The following TMC1 variants were observed in gnomAD, a reference collection of about 807,000 sequenced individuals.
TMC1 encodes transmembrane channel-like protein 1.
TMC1 carries 84 observed loss-of-function variants against 105.8 expected under a neutral mutation model. The ratio of observed to expected loss-of-function variants is 0.79; its 90% CI spans 0.67 to 0.95. TMC1 has a LOEUF of 0.95. TMC1 is among the 40% of genes least tolerant of loss of function. The probability of loss-of-function intolerance (pLI) is 0.00; values close to 1 mark genes in which losing one functional copy is unlikely to be tolerated. For synonymous variants in TMC1, 315 were observed against 311.5 expected, an observed-to-expected ratio of 1.01 and a Z score of -0.12; for missense variants, 817 against 914.1, an observed-to-expected ratio of 0.89 and a Z score of 1.37.
intron 23 of TMC1, among the ~76,000 whole-genome samples, chr9:72,831,588 TC>T (rs55744310): frequency 2.8e-4 from 43 of 151,948 alleles, no homozygotes; most frequent in Non-Finnish European, 1.2e-4. Context: ...CCCTCCCTGC[TC>T]CCCCCACCGC....
chr9:72,611,570 G>A (rs1825024907), intron 2 of TMC1, among the ~76,000 whole-genome samples: 1 of 152,066 alleles, frequency 6.6e-6, no homozygotes, highest in Non-Finnish European at 1.5e-5. Context: ...CAGCTTGGGG[G>A]CATGAGCAGA....
chr9:72,815,748 T>C (rs1466883024), intron 18 of TMC1, among the ~76,000 whole-genome samples: 1 of 152,232 alleles, frequency 6.6e-6, no homozygotes. Flanking sequence ...TTAAAGTTTA[T>C]CATCACATCA....
chr9:72,614,489 A>G (rs950532491), intron 2 of TMC1, among the ~76,000 whole-genome samples: 1 of 152,186 alleles, frequency 6.6e-6, no homozygotes, highest in Non-Finnish European at 1.5e-5. Flanking sequence ...CAACTGCTTA[A>G]TGAGGGACAC....
At chr9:72,656,174 C>G in intron 5 of TMC1, 1 of 584,806 alleles carries the variant, frequency 1.7e-6, no homozygotes, top group Non-Finnish European at 3.3e-6. Flanking sequence ...GGTGTTTTTC[C>G]GGTATCCTTA....
At chr9:72,640,612 G>C (rs1825610017) in intron 4 of TMC1, among the ~76,000 whole-genome samples, 1 of 151,388 alleles carries the variant, frequency 6.6e-6, no homozygotes, top group African/African-American at 2.4e-5. Context: ...TTTTACTTGG[G>C]ATTTGTTTTT....
intron 5 of TMC1, among the ~76,000 whole-genome samples, chr9:72,681,394 T>C (rs925663521): frequency 7.2e-5 from 11 of 152,180 alleles, no homozygotes; most frequent in African/African-American, 2.4e-4. Context: ...ATGTATAGTT[T>C]TTTTTTTGAA....
At chr9:72,597,243 G>A (rs1824735397) in intron 2 of TMC1, among the ~76,000 whole-genome samples, 1 of 152,218 alleles carries the variant, frequency 6.6e-6, no homozygotes, top group African/African-American at 2.4e-5. Flanking sequence ...TTCACTCACA[G>A]AAAGAAAGAA....
At chr9:72,742,746 G>A (rs1827412095) in intron 10 of TMC1, among the ~76,000 whole-genome samples, 1 of 152,144 alleles carries the variant, frequency 6.6e-6, no homozygotes, top group Non-Finnish European at 1.5e-5. Context: ...CCACTCTCGT[G>A]TTCTACCTTA....
chr9:72,668,393 T>G (rs912786445), intron 5 of TMC1, among the ~76,000 whole-genome samples: 9 of 152,210 alleles, frequency 5.9e-5, no homozygotes, highest in African/African-American at 1.9e-4. Flanking sequence ...ACAGCCCCTC[T>G]TAGTGCTTTG....
intron 5 of TMC1, among the ~76,000 whole-genome samples, chr9:72,666,950 T>C (rs779885199): frequency 6.6e-6 from 1 of 151,488 alleles, no homozygotes; most frequent in African/African-American, 2.4e-5. Context: ...CATGGTGGCG[T>C]GTGCCTGTAG....
intron 1 of TMC1, among the ~76,000 whole-genome samples, chr9:72,570,229 T>TGTGTGTG (rs756068731): frequency 2.6e-4 from 23 of 87,670 alleles, no homozygotes; most frequent in African/African-American, 1.3e-3. Flanking sequence ...GCTCAAAGAG[T>TGTGTGTG]AGTGTGTGTG....
In TMC1 at chr9:72,805,486, G is replaced by C. The variant is rs1272127765; in HGVS notation, c.1671G>C (p.Trp557Cys). 4.3e-6 allele frequency: 7 copies of C among 1,613,076 alleles called. No homozygotes were observed. Among genetic ancestry groups the C allele is most frequent in the Non-Finnish European group, 5.1e-6 (6 of 1,179,768 alleles). ...ACFVRFCNYCWCWDLEYGYPS... is the reference protein window; with the variant it reads ...ACFVRFCNYCCCWDLEYGYPS... Reference sequence around the variant, plus strand: ...TTGTGAGGTTTTGCAATTATTGCTGGTGCTGGGACTTGGAGTATGGATATG... The same window carrying C: ...TTGTGAGGTTTTGCAATTATTGCTGCTGCTGGGACTTGGAGTATGGATATG... Residue 557 changes from tryptophan (W) to cysteine (C), a missense_variant, in exon 18 of 24, where the codon TGG (tryptophan) becomes TGC (cysteine). Transcript: ENST00000297784.
chr9:72,614,943 G>T (rs1475924143), intron 2 of TMC1, among the ~76,000 whole-genome samples: 2 of 152,144 alleles, frequency 1.3e-5, no homozygotes, highest in African/African-American at 4.8e-5. Flanking sequence ...GCTTCCCAAT[G>T]TGCTAGGATT....
At chr9:72,768,681 T>C (rs1217659362) in intron 12 of TMC1, among the ~76,000 whole-genome samples, 5 of 152,094 alleles carry the variant, frequency 3.3e-5, no homozygotes, top group East Asian at 1.9e-4. Context: ...CTAGTATTTA[T>C]GAAGTGCCAG....
At chr9:72,722,385 G>A (rs940184131) in intron 8 of TMC1, among the ~76,000 whole-genome samples, 6 of 151,998 alleles carry the variant, frequency 3.9e-5, no homozygotes, top group Non-Finnish European at 8.8e-5. Context: ...TCTGGTATCC[G>A]CTCCATTTTT....
chr9:72,719,527 A>G (rs1826979785), intron 8 of TMC1, among the ~76,000 whole-genome samples: 1 of 152,140 alleles, frequency 6.6e-6, no homozygotes, highest in South Asian at 2.1e-4. Flanking sequence ...CAGTTTGGGC[A>G]CTCACAGTAT....
chr9:72,562,694 T>A lies in TMC1; in HGVS notation c.-427-15208T>A, dbSNP rs191065164. On this transcript the variant is annotated intron_variant, in intron 1 of 23. Coordinates refer to ENST00000297784, the MANE Select transcript of TMC1 (RefSeq NM_138691.3). ...TATTATTTGTCAATTAAATTTTTTT[T>A]AAAAATTTAGAAAGGAGTTTCCAAG... Among the ~76,000 whole-genome samples, 1,153 of 146,934 alleles carry A rather than the reference T, an allele frequency of 7.8e-3. 13 individuals are homozygous for A. The highest frequency in any genetic ancestry group is 0.027 in the African/African-American group (1,040 of 38,352).
intron 2 of TMC1, among the ~76,000 whole-genome samples, chr9:72,594,715 C>T (rs773697898): frequency 6.6e-5 from 10 of 152,038 alleles, no homozygotes; most frequent in Non-Finnish European, 1.2e-4. Flanking sequence ...TTTATATTCT[C>T]TCATATTCTC....
At position 72,717,989 on chromosome 9, in the gene TMC1, T is replaced by A. The variant is rs189156747; in HGVS notation, c.362+17346T>A. On this transcript the variant is annotated intron_variant, in intron 8 of 23. Coordinates refer to ENST00000297784, the MANE Select transcript of TMC1 (RefSeq NM_138691.3). ...CTTCTTGGAGGCTTTATTCATTTTTTAAAATTCTTTTACTTTCCAGTACAT... is the reference window on the plus strand; with the variant it reads ...CTTCTTGGAGGCTTTATTCATTTTTAAAAATTCTTTTACTTTCCAGTACAT... Among the ~76,000 whole-genome samples the A allele has an allele frequency of 6.8e-4, 104 of 152,308 alleles. No homozygotes were observed. In the East Asian group the frequency reaches 9.6e-3, roughly 14 times the overall value.
Sources: allele counts gnomAD v4.1 joint callset (sites outside exome capture counted in the v4.1 genomes callset), GRCh38; gene constraint gnomAD v4.1.1; transcripts MANE v1.5; gene names NCBI Gene and HGNC (gene_info 2026-07-23, HGNC 2026-07-21).